The following SRRM4 variants were observed in gnomAD, a reference collection of about 807,000 sequenced individuals.
SRRM4 encodes serine/arginine repetitive matrix protein 4.
Under a neutral mutation model 68.9 loss-of-function variants are expected in SRRM4, and 33 were observed. The ratio of observed to expected loss-of-function variants is 0.48; its 90% CI spans 0.36 to 0.64. The LOEUF (loss-of-function observed/expected upper bound fraction) is 0.64, where lower values mean the gene tolerates loss of function less well. Among genes scored for constraint, SRRM4 ranks in the 30% least tolerant of loss-of-function variants. The probability of loss-of-function intolerance (pLI) is 0.00; values close to 1 mark genes in which losing one functional copy is unlikely to be tolerated. For synonymous variants in SRRM4, 318 were observed against 318.8 expected, an observed-to-expected ratio of 1.00 and a Z score of 0.03; for missense variants, 817 against 827.1, an observed-to-expected ratio of 0.99 and a Z score of 0.15.
chr12:119,039,184 T>G (rs1234293961), intron 1 of SRRM4, among the ~76,000 whole-genome samples: 3 of 152,224 alleles, frequency 2.0e-5, no homozygotes, highest in Non-Finnish European at 4.4e-5. Context: ...GCCATAGGGC[T>G]TACCCCTGCT....
At chr12:119,006,125 A>G (rs769116522) in intron 1 of SRRM4, among the ~76,000 whole-genome samples, 39 of 152,286 alleles carry the variant, frequency 2.6e-4, no homozygotes, top group Non-Finnish European at 1.3e-4. Context: ...TGGCTGGCCC[A>G]TCTGTTCTGG....
chr12:119,130,657 GTC>G lies in SRRM4; in HGVS notation c.615-14_615-13del. On this transcript the variant is annotated intron_variant, in intron 7 of 12. Coordinates refer to ENST00000267260, the MANE Select transcript of SRRM4 (RefSeq NM_194286.4). ...ATGCTCCCCTTCAAAAGACCCTCAG[GTC>G]TCTCTCCCCCATCCCCAGGCACCGC... 6.2e-7 allele frequency: 1 copy of G among 1,602,338 alleles called. No homozygotes were observed. The highest frequency in any genetic ancestry group is 1.7e-4 in the Middle Eastern group (1 of 5,920).
chr12:118,984,451 A>G (rs1193538807), intron 1 of SRRM4, among the ~76,000 whole-genome samples: 1 of 152,150 alleles, frequency 6.6e-6, no homozygotes, highest in Non-Finnish European at 1.5e-5. Context: ...TCGGCAAACC[A>G]GCACATGTAG....
At chr12:119,150,973 G>A (rs1410995473) in intron 9 of SRRM4, 44 bp from the exon 10 acceptor site, 3 of 1,584,258 alleles carry the variant, frequency 1.9e-6, no homozygotes, top group Non-Finnish European at 2.6e-6. Context: ...GATGCTCCCA[G>A]AGTAGTGGGC....
At chr12:119,057,355 C>G (rs145440307) in intron 1 of SRRM4, among the ~76,000 whole-genome samples, 1 of 152,274 alleles carries the variant, frequency 6.6e-6, no homozygotes, top group African/African-American at 2.4e-5. Flanking sequence ...CTCTCCCAGC[C>G]CCCTGACAGG....
chr12:119,094,291 A>G (rs1954030243), intron 1 of SRRM4, among the ~76,000 whole-genome samples: 1 of 152,172 alleles, frequency 6.6e-6, no homozygotes. Flanking sequence ...AGAATCTACA[A>G]CATGGCTACT....
At chr12:119,138,178 T>C (rs1323460332) in intron 8 of SRRM4, among the ~76,000 whole-genome samples, 1 of 152,152 alleles carries the variant, frequency 6.6e-6, no homozygotes, top group East Asian at 1.9e-4. Flanking sequence ...TTGCCAGATC[T>C]TATTTTTCAA....
At position 119,156,669 on chromosome 12, in the gene SRRM4, C is replaced by T. The variant is rs1385339751; in HGVS notation, c.1707C>T (p.Ser569=). 3 of 1,566,506 alleles carry T rather than the reference C, an allele frequency of 1.9e-6. No individual in the cohort carries two copies. The highest frequency in any genetic ancestry group is 2.7e-5 in the African/African-American group (2 of 73,386). The change falls in exon 13 of 13, where the codon AGC becomes AGT. Residue 569 remains serine (S), a synonymous_variant. Coordinates refer to ENST00000267260, the MANE Select transcript of SRRM4 (RefSeq NM_194286.4). Reference sequence around the variant, plus strand: ...GGAGCCGGACCCGCACGAGCAGCAGCTCTAGCTCCCGCAGCCCTAGTCCGG... The same window carrying T: ...GGAGCCGGACCCGCACGAGCAGCAGTTCTAGCTCCCGCAGCCCTAGTCCGG... The part of the protein sequence containing the change: ...RRRSRTRTSS[S]SSSRSPSPGS...
At chr12:118,989,392 G>A (rs7969449) in intron 1 of SRRM4, among the ~76,000 whole-genome samples, 106,250 of 151,946 alleles carry the variant, frequency 0.7, 38,340 homozygotes, top group Middle Eastern at 0.88. Context: ...TTGTTCCCAC[G>A]GTGCAAGGGT....
At chr12:119,149,326 G>A (rs749833772) in intron 9 of SRRM4, among the ~76,000 whole-genome samples, 8 of 152,178 alleles carry the variant, frequency 5.3e-5, no homozygotes, top group Non-Finnish European at 8.8e-5. Flanking sequence ...CCAGCCTGGC[G>A]ACAGAGCGAG....
chr12:119,062,323 A>G (rs1953819501), intron 1 of SRRM4, among the ~76,000 whole-genome samples: 1 of 152,232 alleles, frequency 6.6e-6, no homozygotes, highest in Non-Finnish European at 1.5e-5. Flanking sequence ...CTAGGACATT[A>G]CTGTACACTA....
At chr12:119,099,813 G>C (rs1372332861) in intron 1 of SRRM4, among the ~76,000 whole-genome samples, 2 of 152,240 alleles carry the variant, frequency 1.3e-5, no homozygotes, top group East Asian at 3.9e-4. Flanking sequence ...TCTCCATATG[G>C]CTGCTTGAGT....
chr12:118,985,654 ACCT>A (rs1361163030), intron 1 of SRRM4, among the ~76,000 whole-genome samples: 4 of 152,060 alleles, frequency 2.6e-5, no homozygotes, highest in Non-Finnish European at 5.9e-5. Context: ...GTAGAGAGCC[ACCT>A]CCCTTTTATC....
In SRRM4 at chr12:119,003,169, T is replaced by C. The variant is rs529153640; in HGVS notation, c.131+21156T>C. 4.0e-5 allele frequency among the ~76,000 whole-genome samples: 6 copies of C among 151,826 alleles called. No individual in the cohort carries two copies. In the South Asian group the frequency reaches 1.3e-3, roughly 32 times the overall value. ...CTCTGGGTCCCAGCAAGGAAGGGCA[T>C]ATGGAAAGAAGGCTAGGCTTGGGCT... On this transcript the variant is annotated intron_variant, in intron 1 of 12. Transcript: ENST00000267260.
At chr12:119,034,104 G>T (rs1953611204) in intron 1 of SRRM4, among the ~76,000 whole-genome samples, 2 of 152,206 alleles carry the variant, frequency 1.3e-5, no homozygotes. Context: ...TGGAAAGAAA[G>T]GAAAGGGAGT....
intron 1 of SRRM4, among the ~76,000 whole-genome samples, chr12:119,049,329 T>A (rs751556021): frequency 1.3e-5 from 2 of 152,098 alleles, no homozygotes; most frequent in African/African-American, 4.8e-5. Context: ...CAAAAGCTAG[T>A]GGTGGGTGTA....
intron 7 of SRRM4, among the ~76,000 whole-genome samples, chr12:119,128,693 G>A (rs565146858): frequency 1.3e-5 from 2 of 152,314 alleles, no homozygotes; most frequent in African/African-American, 2.4e-5. Flanking sequence ...GAAGTGTCTG[G>A]CAGAGCTGGA....
At chr12:119,047,309 A>G (rs952788109) in intron 1 of SRRM4, among the ~76,000 whole-genome samples, 1 of 152,086 alleles carries the variant, frequency 6.6e-6, no homozygotes, top group African/African-American at 2.4e-5. Flanking sequence ...AAGATTAATC[A>G]TTTCTTTTAT....
intron 12 of SRRM4, 77 bp from the exon 13 acceptor site, chr12:119,156,418 T>C: frequency 6.7e-7 from 1 of 1,483,776 alleles, no homozygotes; most frequent in South Asian, 1.4e-5. Flanking sequence ...TTGGTTTCCC[T>C]TGGGACAAGA....
Sources: allele counts gnomAD v4.1 joint callset (sites outside exome capture counted in the v4.1 genomes callset), GRCh38; gene constraint gnomAD v4.1.1; transcripts MANE v1.5; gene names NCBI Gene and HGNC (gene_info 2026-07-23, HGNC 2026-07-21).